UXT: variants seen among roughly 807,000 people sequenced by gnomAD.
The protein encoded by UXT is ubiquitously expressed prefoldin like chaperone, also known as protein UXT.
For missense variants in UXT, 111 were observed against 132.7 expected (o/e 0.84, Z 0.80); for synonymous variants, 54 against 52.8 (o/e 1.02, Z -0.10).
At chrX:47,657,376 A>G (rs2058086880) in intron 3 of UXT, 86 bp from the exon 5 acceptor site, 1 of 903,733 alleles carries the variant, frequency 1.1e-6, no homozygotes, top group South Asian at 2.3e-5. Context: ...CCCTTCCCCA[A>G]ATTGAGGCTC....
intron 3 of UXT, 26 bp downstream of exon 4, chrX:47,657,546 G>C (rs1488965653): frequency 1.7e-6 from 2 of 1,199,854 alleles, no homozygotes; most frequent in Non-Finnish European, 2.3e-6. Flanking sequence ...AACCCTGTGG[G>C]CTCAGAGGGG....
rs748192892 is a variant in UXT at position 47,658,871 on chromosome X, G to A, written c.93C>T (p.Arg31=). The change falls in exon 1 of 6, where the codon CGC becomes CGT. Residue 31 remains arginine (R), a synonymous_variant. Coordinates refer to ENST00000335890, the MANE Select transcript of UXT (RefSeq NM_153477.3). The stretch of plus-strand genomic sequence containing the variant: ...GCACGTCACTGATGAAGGTCTCGTA[G>A]CGCAGCACTTTCTCCCCCGTGGCCT... 6.3e-5 allele frequency: 73 copies of A among 1,166,500 alleles called. No individual in the cohort carries two copies. The highest frequency in any genetic ancestry group is 8.3e-5 in the Non-Finnish European group (72 of 872,155).
At chrX:47,653,453 C>T (rs1383718441) in intron 4 of UXT, among the ~76,000 whole-genome samples, 1 of 111,296 alleles carries the variant, frequency 9.0e-6, no homozygotes, top group Non-Finnish European at 1.9e-5. Flanking sequence ...CTGACCTTCC[C>T]CTCCAAATCT....
chrX:47,652,615 G>A (rs1603097952), intron 4 of UXT, among the ~76,000 whole-genome samples: 1 of 112,253 alleles, frequency 8.9e-6, no homozygotes, highest in African/African-American at 3.2e-5. Flanking sequence ...TGGAGGATGT[G>A]TTCCACACAC....
chrX:47,655,644 G>A (rs2058081197), intron 4 of UXT, among the ~76,000 whole-genome samples: 1 of 112,338 alleles, frequency 8.9e-6, no homozygotes, highest in African/African-American at 3.2e-5. Flanking sequence ...TTGAAACCAA[G>A]CTCACCTCTC....
intron 4 of UXT, among the ~76,000 whole-genome samples, chrX:47,653,620 A>G (rs2058074793): frequency 1.8e-5 from 2 of 112,152 alleles, no homozygotes; most frequent in African/African-American, 6.5e-5. Context: ...TCTGATCTCC[A>G]TGATATGCTT....
intron 5 of UXT, 29 bp from the exon 7 acceptor site, chrX:47,651,924 A>G (rs1410021539): frequency 4.1e-6 from 5 of 1,205,698 alleles, no homozygotes; most frequent in Non-Finnish European, 5.6e-6. Flanking sequence ...GAGATTGAAC[A>G]AAGACTGGGT....
intron 4 of UXT, 55 bp from the exon 6 acceptor site, chrX:47,652,199 C>G: frequency 9.5e-7 from 1 of 1,047,755 alleles, no homozygotes; most frequent in Non-Finnish European, 1.3e-6. Flanking sequence ...TATGATGACC[C>G]TTCCTTATCA....
chrX:47,656,590 T>C (rs1056037891), intron 4 of UXT, among the ~76,000 whole-genome samples: 2 of 110,850 alleles, frequency 1.8e-5, no homozygotes, highest in African/African-American at 6.6e-5. Flanking sequence ...GTTGAGGAAG[T>C]GACATTTAAG....
intron 3 of UXT, 127 bp from the exon 5 acceptor site, chrX:47,657,417 T>C (rs1413286496): frequency 1.2e-6 from 1 of 808,201 alleles, no homozygotes; most frequent in Non-Finnish European, 1.8e-6. Flanking sequence ...CCTATTTTAT[T>C]CACTGTCACA....
At chrX:47,653,718 G>A (rs755809726) in intron 4 of UXT, among the ~76,000 whole-genome samples, 3 of 112,014 alleles carry the variant, frequency 2.7e-5, no homozygotes, top group Non-Finnish European at 3.8e-5. Context: ...GCTGTATGAG[G>A]GCAGATTTTG....
intron 1 of UXT, among the ~76,000 whole-genome samples, chrX:47,658,456 A>AT (rs2147951725): frequency 8.9e-6 from 1 of 112,233 alleles, no homozygotes; most frequent in Non-Finnish European, 1.9e-5. Flanking sequence ...AAACCACTGC[A>AT]TGGGGAAGGT....
In UXT at chrX:47,651,950, A is replaced by C. The variant is rs2058068527; in HGVS notation, c.457-55T>G. 2.5e-6 allele frequency: 3 copies of C among 1,190,015 alleles called. No individual in the cohort carries two copies. In the African/African-American group the frequency reaches 5.3e-5, roughly 21 times the overall value. ...AAGACTGGGTCTGGGTTACGCCCCC[A>C]GGCTTGCTCTGACCTCCCTCCCTTG... On this transcript the variant is annotated intron_variant, in intron 5 of 5. Coordinates refer to ENST00000335890, the MANE Select transcript of UXT (RefSeq NM_153477.3).
chrX:47,659,130 A>G lies in UXT; in HGVS notation c.-167T>C, dbSNP rs749081938. ...CGGCCTTTACCTCAGGCCGCCAGCA[A>G]TAAGAACGGTTGGTAGGAACCGCGG... is the stretch of plus-strand genomic sequence containing the variant. On this transcript the variant is annotated 5_prime_UTR_variant, in exon 1 of 6. Transcript: ENST00000335890. The G allele has an allele frequency of 7.8e-6, 6 of 772,070 alleles. No homozygotes were observed. Among genetic ancestry groups the G allele is most frequent in the Non-Finnish European group, 9.6e-6 (5 of 520,574 alleles). 63.6% of individuals were successfully genotyped at this position (772,070 alleles called of 1,213,427 possible).
intron 4 of UXT, 100 bp from the exon 6 acceptor site, chrX:47,652,244 C>G (rs1456666327): frequency 3.7e-6 from 3 of 809,981 alleles, no homozygotes; most frequent in Non-Finnish European, 5.4e-6. Flanking sequence ...ATGATTTCCA[C>G]CTGGCTCATT....
intron 4 of UXT, 63 bp from the exon 6 acceptor site, chrX:47,652,207 T>C: frequency 9.9e-7 from 1 of 1,009,779 alleles, no homozygotes; most frequent in South Asian, 2.0e-5. Context: ...CCCTTCCTTA[T>C]CACTTCAAGA....
At chrX:47,652,714 T>A (rs1294788909) in intron 4 of UXT, among the ~76,000 whole-genome samples, 1 of 110,655 alleles carries the variant, frequency 9.0e-6, no homozygotes, top group East Asian at 2.8e-4. Context: ...TGGAGAAGAA[T>A]AAGTGAAGGG....
chrX:47,658,719 G>T, intron 1 of UXT, 111 bp downstream of exon 2: 1 of 1,001,226 alleles, frequency 1.0e-6, no homozygotes, highest in Non-Finnish European at 1.3e-6. Flanking sequence ...GGAGCGCGGG[G>T]CCGGACTCTG....
chrX:47,657,721 C>T (rs777640448), intron 2 of UXT, 61 bp downstream of exon 3: 1 of 1,180,976 alleles, frequency 8.5e-7, no homozygotes, highest in Admixed American at 2.2e-5. Context: ...AGTCTCTCTT[C>T]CCATTTCCCT....
Sources: allele counts gnomAD v4.1 joint callset (sites outside exome capture counted in the v4.1 genomes callset), GRCh38; gene constraint gnomAD v4.1.1; transcripts MANE v1.5; gene names NCBI Gene and HGNC (gene_info 2026-07-23, HGNC 2026-07-21).